Variants in RANBP17 observed in about 807,000 individuals in gnomAD.
RANBP17 encodes RAN binding protein 17, also known as ran-binding protein 17.
Under a neutral mutation model 141.2 loss-of-function variants are expected in RANBP17, and 158 were observed. The ratio of observed to expected loss-of-function variants is 1.12; its 90% CI spans 0.98 to 1.28. The LOEUF (loss-of-function observed/expected upper bound fraction) is 1.28. RANBP17 is among the 50% of genes most tolerant of loss of function. The pLI is 0.00. For missense variants in RANBP17, 1,438 were observed against 1,290.7 expected, an observed-to-expected ratio of 1.11 and a Z score of -1.75; for synonymous variants, 430 against 450.0, an observed-to-expected ratio of 0.96 and a Z score of 0.56.
intron 20 of RANBP17, among the ~76,000 whole-genome samples, chr5:171,209,128 C>A (rs1467644982): frequency 6.6e-6 from 1 of 152,058 alleles, no homozygotes. Flanking sequence ...AGGAAGGGCT[C>A]TCTGGAAAGG....
intron 14 of RANBP17, among the ~76,000 whole-genome samples, chr5:171,065,591 G>A (rs542227849): frequency 2.6e-4 from 39 of 151,850 alleles, no homozygotes; most frequent in Middle Eastern, 3.4e-3. Context: ...ATCCCTCCCC[G>A]CCCTACACTG....
chr5:171,085,360 C>T, intron 14 of RANBP17, among the ~76,000 whole-genome samples: 1 of 113,506 alleles, frequency 8.8e-6, no homozygotes, highest in Non-Finnish European at 1.8e-5. Flanking sequence ...GTTTTGGTTA[C>T]TGTAGCCTTG....
chr5:171,195,745 C>T (rs1480037279), intron 18 of RANBP17, among the ~76,000 whole-genome samples: 2 of 152,314 alleles, frequency 1.3e-5, no homozygotes, highest in African/African-American at 2.4e-5. Context: ...AATCCTGGCT[C>T]GCTGACATTT....
At chr5:171,091,831 A>C (rs1786306695) in intron 14 of RANBP17, among the ~76,000 whole-genome samples, 1 of 152,206 alleles carries the variant, frequency 6.6e-6, no homozygotes, top group African/African-American at 2.4e-5. Context: ...AGGCCTCCTC[A>C]GCCACATGGA....
intron 22 of RANBP17, among the ~76,000 whole-genome samples, chr5:171,223,571 G>T (rs1420496189): frequency 6.6e-6 from 1 of 152,110 alleles, no homozygotes; most frequent in Non-Finnish European, 1.5e-5. Context: ...GGAGGCAGAG[G>T]TTGCAGTGAG....
chr5:171,002,828 ATGTC>A (rs1779310084), intron 14 of RANBP17, among the ~76,000 whole-genome samples: 1 of 152,244 alleles, frequency 6.6e-6, no homozygotes, highest in South Asian at 2.1e-4. Flanking sequence ...AATGGAGTGA[ATGTC>A]AGGTGTATCA....
intron 14 of RANBP17, among the ~76,000 whole-genome samples, chr5:171,151,974 C>T (rs1041242783): frequency 1.3e-5 from 2 of 151,868 alleles, no homozygotes; most frequent in African/African-American, 2.4e-5. Flanking sequence ...TATATGAGGG[C>T]GGAGGGCAGT....
intron 14 of RANBP17, among the ~76,000 whole-genome samples, chr5:170,979,401 C>T (rs1034723749): frequency 1.3e-5 from 2 of 152,172 alleles, no homozygotes; most frequent in African/African-American, 2.4e-5. Flanking sequence ...CCCCTTGCAA[C>T]TGTATCATAA....
chr5:171,268,676 C>A (rs1383449108), intron 25 of RANBP17, among the ~76,000 whole-genome samples: 3 of 151,628 alleles, frequency 2.0e-5, no homozygotes, highest in African/African-American at 4.8e-5. Context: ...AAAAAAAATT[C>A]ATGGATTGGC....
chr5:171,006,947 C>T (rs1416499056), intron 14 of RANBP17, among the ~76,000 whole-genome samples: 2 of 152,072 alleles, frequency 1.3e-5, no homozygotes, highest in Non-Finnish European at 2.9e-5. Context: ...CACGTAATCT[C>T]GCTTAGCTAT....
At chr5:171,071,653 C>CAA (rs34555837) in intron 14 of RANBP17, among the ~76,000 whole-genome samples, 42,381 of 69,564 alleles carry the variant, frequency 0.61, 14,155 homozygotes, top group South Asian at 0.85. Context: ...CAGCTTTATG[C>CAA]AAAAAAAAAA....
At chr5:170,893,628 C>G (rs544360735) in intron 4 of RANBP17, among the ~76,000 whole-genome samples, 108 of 152,046 alleles carry the variant, frequency 7.1e-4, no homozygotes, top group African/African-American at 2.4e-3. Flanking sequence ...CCTGTCTCTA[C>G]TAAAAACACA....
At chr5:171,093,410 A>T (rs1786456530) in intron 14 of RANBP17, among the ~76,000 whole-genome samples, 1 of 152,190 alleles carries the variant, frequency 6.6e-6, no homozygotes, top group Non-Finnish European at 1.5e-5. Flanking sequence ...GGAATCACAC[A>T]CGATATAATA....
chr5:170,885,700 C>T (rs575259129), intron 3 of RANBP17, among the ~76,000 whole-genome samples: 1 of 152,232 alleles, frequency 6.6e-6, no homozygotes, highest in East Asian at 1.9e-4. Flanking sequence ...GTATTTGTCC[C>T]TATTAAATAA....
intron 9 of RANBP17, among the ~76,000 whole-genome samples, chr5:170,917,829 A>T (rs1025807154): frequency 3.3e-5 from 5 of 152,156 alleles, no homozygotes; most frequent in Non-Finnish European, 7.4e-5. Context: ...TCATGGCTGT[A>T]AAAGTTGGTA....
chr5:171,285,068 C>T (rs542197982), intron 25 of RANBP17, among the ~76,000 whole-genome samples: 1 of 152,346 alleles, frequency 6.6e-6, no homozygotes, highest in South Asian at 2.1e-4. Flanking sequence ...CAAAAACCTC[C>T]TGTGCATGGG....
chr5:171,262,253 G>A (rs951291971), intron 24 of RANBP17, among the ~76,000 whole-genome samples: 9 of 152,208 alleles, frequency 5.9e-5, no homozygotes, highest in Non-Finnish European at 1.0e-4. Flanking sequence ...ATTTACTTTC[G>A]TGACTGGGAC....
rs141338732 is a variant in RANBP17 at position 171,026,546 on chromosome 5, C to G, written c.1710+58169C>G. 1.6e-3 allele frequency among the ~76,000 whole-genome samples: 247 copies of G among 152,168 alleles called. 1 individual carries two copies. The highest frequency in any genetic ancestry group is 2.8e-3 in the Non-Finnish European group (190 of 68,010). On this transcript the variant is annotated intron_variant, in intron 14 of 27. Coordinates refer to ENST00000523189, the MANE Select transcript of RANBP17 (RefSeq NM_022897.5). ...AGTTTAAAGTTAGTATCTAGACATA[C>G]CAGCTTATATATTCATTAATTAATA... is the stretch of plus-strand genomic sequence containing the variant.
intron 14 of RANBP17, among the ~76,000 whole-genome samples, chr5:171,074,025 T>A (rs1279201529): frequency 6.6e-6 from 1 of 152,088 alleles, no homozygotes; most frequent in African/African-American, 2.4e-5. Flanking sequence ...CTTCTGGAGG[T>A]GAGCTTTTCT....
Sources: allele counts gnomAD v4.1 joint callset (sites outside exome capture counted in the v4.1 genomes callset), GRCh38; gene constraint gnomAD v4.1.1; transcripts MANE v1.5; gene names NCBI Gene and HGNC (gene_info 2026-07-23, HGNC 2026-07-21).